Variants in MAP1A observed in about 807,000 individuals in gnomAD.
The protein encoded by MAP1A is microtubule associated protein 1A.
MAP1A carries 42 observed loss-of-function variants against 185.9 expected under a neutral mutation model. The ratio of observed to expected loss-of-function variants is 0.23; its 90% CI spans 0.18 to 0.29. MAP1A has a LOEUF of 0.29. Among genes scored for constraint, MAP1A ranks in the 10% least tolerant of loss-of-function variants. The pLI, the probability that MAP1A is intolerant of heterozygous loss-of-function variation, is 1.00. For synonymous variants in MAP1A, 1,229 were observed against 1,335.9 expected (o/e 0.92, Z 1.74); for missense variants, 2,995 against 3,450.4 (o/e 0.87, Z 3.31).
In MAP1A at chr15:43,521,873, G is replaced by A; in HGVS notation, c.400G>A (p.Val134Ile). 1.2e-6 allele frequency: 2 copies of A among 1,614,188 alleles called. No individual in the cohort carries two copies. The highest frequency in any genetic ancestry group is 1.7e-6 in the Non-Finnish European group (2 of 1,180,018). Reference sequence around the variant, plus strand: ...GAACCTTATCTCTCCTGAGCTTGGAGTTGTCTTTTTCAACGTGCCTGAGAA... The same window carrying A: ...GAACCTTATCTCTCCTGAGCTTGGAATTGTCTTTTTCAACGTGCCTGAGAA... ...VKNLISPELG[V>I]VFFNVPEKLR... is the part of the protein sequence containing the mutation. The change falls in exon 4 of 6, where the codon GTT becomes ATT. Residue 134 changes from valine to isoleucine, a missense_variant. Physicochemically the swap from Val to Ile is conservative, Grantham distance 29 (BLOSUM62 3). This residue lies in a region of MAP1A where 264 missense variants were observed against 435.3 expected (regional missense o/e 0.61). Coordinates refer to ENST00000300231, the MANE Select transcript of MAP1A (RefSeq NM_002373.6). This position sits in a 1 kb window ranked among gnomAD's most constrained non-coding sequence, Gnocchi z 4.6.
Position 43,523,671 on chromosome 15 carries a change from C to T in MAP1A, c.2198C>T (p.Ser733Phe). The stretch of plus-strand genomic sequence containing the variant: ...CCTGCAGGAGCCACTGAGCATGTCT[C>T]TTACATCCAGGATGAGACAATCCCT... ...TTPAGATEHV[S>F]YIQDETIPGY... The change falls in exon 4 of 6, where the codon TCT (serine) becomes TTT (phenylalanine). Residue 733 changes from serine to phenylalanine, a missense_variant. Physicochemically the swap from Ser to Phe is radical, Grantham distance 155. Transcript: ENST00000300231. The T allele has an allele frequency of 3.7e-6, 6 of 1,614,040 alleles. No homozygotes were observed. Among genetic ancestry groups the T allele is most frequent in the Non-Finnish European group, 5.1e-6 (6 of 1,179,962 alleles).
upstream of MAP1A, among the ~76,000 whole-genome samples, chr15:43,516,535 T>A (rs975985384): frequency 6.6e-6 from 1 of 152,126 alleles, no homozygotes; most frequent in Non-Finnish European, 1.5e-5. Flanking sequence ...GGAAGGACTA[T>A]GTAAGAGCAT....
At position 43,526,655 on chromosome 15, in the gene MAP1A, A is replaced by T. The variant is rs2079345074; in HGVS notation, c.5182A>T (p.Thr1728Ser). The T allele has an allele frequency of 6.2e-7, 1 of 1,614,018 alleles. No individual in the cohort carries two copies. The highest frequency in any genetic ancestry group is 8.5e-7 in the Non-Finnish European group (1 of 1,180,014). Residue 1728 changes from threonine (T) to serine (S), a missense_variant, in exon 4 of 6, where the codon ACT becomes TCT. By Grantham distance (58) the Thr-to-Ser change is moderately conservative. Transcript: ENST00000300231. This position sits in a 1 kb window ranked among gnomAD's most constrained non-coding sequence, Gnocchi z 4.7. ...ACACTACACTGAGGAACGGGAAAGC[A>T]CTTTCCTAGATGAGGGCCCAGATGA... ...RPHYTEERES[T>S]FLDEGPDDEQ...
intron 5 of MAP1A, 64 bp from the exon 6 acceptor site, chr15:43,530,005 C>T: frequency 6.4e-7 from 1 of 1,569,690 alleles, no homozygotes; most frequent in Non-Finnish European, 8.8e-7. Context: ...CATGAGGTGC[C>T]CCTTCCCCCT....
In MAP1A at chr15:43,528,719, G is replaced by A. The variant is rs768074107; in HGVS notation, c.7246G>A (p.Ala2416Thr). Reference sequence around the variant, plus strand: ...CTCCCCTGAGCAGCCAGTGTGTCCTGCAGGGGGCTCCGGGGGCCCACCCAG... The same window carrying A: ...CTCCCCTGAGCAGCCAGTGTGTCCTACAGGGGGCTCCGGGGGCCCACCCAG... ...LLSPEQPVCP[A>T]GGSGGPPSSA... Residue 2416 changes from alanine (A) to threonine (T), a missense_variant, in exon 4 of 6, where the codon GCA becomes ACA. By Grantham distance (58) the Ala-to-Thr change is moderately conservative. Coordinates refer to ENST00000300231, the MANE Select transcript of MAP1A (RefSeq NM_002373.6). The A allele has an allele frequency of 6.8e-6, 11 of 1,613,258 alleles. No homozygotes were observed. The highest frequency in any genetic ancestry group is 1.3e-5 in the African/African-American group (1 of 74,926).
rs1201954670 is a variant in MAP1A, at chr15:43,527,545, G to C, written c.6072G>C (p.Lys2024Asn). 6.2e-7 allele frequency: 1 copy of C among 1,614,082 alleles called. No homozygotes were observed. Among genetic ancestry groups the C allele is most frequent in the South Asian group, 1.1e-5 (1 of 91,088 alleles). ...EKELSSPISPKSLQSDTPTFS... is the reference protein window; with the variant it reads ...EKELSSPISPNSLQSDTPTFS... ...AGCTTTCATCTCCTATCTCACCCAA[G>C]AGCCTCCAGTCTGACACTCCAACCT... The change falls in exon 4 of 6, where the codon AAG becomes AAC. Residue 2024 changes from lysine to asparagine, a missense_variant. Lys to Asn is a moderately conservative substitution (Grantham distance 94). This residue lies in a region of MAP1A where 2,728 missense variants were observed against 2,986.0 expected (regional missense o/e 0.91). Coordinates refer to ENST00000300231, the MANE Select transcript of MAP1A (RefSeq NM_002373.6).
intron 1 of MAP1A, among the ~76,000 whole-genome samples, chr15:43,511,541 C>T (rs1229616990): frequency 6.6e-6 from 1 of 152,206 alleles, no homozygotes; most frequent in African/African-American, 2.4e-5. Flanking sequence ...CCTGAAAGTC[C>T]TCACCATCCC....
In MAP1A at chr15:43,528,968, C is replaced by A. The variant is rs773630777; in HGVS notation, c.7495C>A (p.Pro2499Thr). The part of the protein sequence containing the change: ...GGPCPVTDET[P>T]PTSASDSGSS... ...CCCATGCCCTGTGACTGATGAGACA[C>A]CCCCTACATCAGCCAGTGACTCAGG... The change falls in exon 4 of 6, where the codon CCC becomes ACC. Residue 2499 changes from proline (P) to threonine (T), a missense_variant. Pro to Thr is a conservative substitution (Grantham distance 38, BLOSUM62 -1). Coordinates refer to ENST00000300231, the MANE Select transcript of MAP1A (RefSeq NM_002373.6). The A allele has an allele frequency of 1.2e-6, 2 of 1,613,364 alleles. No individual in the cohort carries two copies. Among genetic ancestry groups the A allele is most frequent in the Non-Finnish European group, 1.7e-6 (2 of 1,180,012 alleles).
upstream of MAP1A, among the ~76,000 whole-genome samples, chr15:43,517,165 C>T (rs908495315): frequency 4.6e-5 from 7 of 152,176 alleles, no homozygotes; most frequent in Non-Finnish European, 5.9e-5. Context: ...GTTCCCCACA[C>T]CTACCCCATG....
In MAP1A at chr15:43,529,111, G is replaced by A; in HGVS notation, c.7638G>A (p.Gly2546=). Residue 2546 remains glycine, a synonymous_variant, in exon 4 of 6, where the codon GGG becomes GGA. Coordinates refer to ENST00000300231, the MANE Select transcript of MAP1A (RefSeq NM_002373.6). This position sits in a 1 kb window ranked among gnomAD's most constrained non-coding sequence, Gnocchi z 4.3. ...ACTTCCTACCTGTGGACAAAGCTGG[G>A]GGTGTCAGTGGTACTCACCACCCCA... ...DGDFLPVDKA[G]GVSGTHHPRP... 1.9e-6 allele frequency: 3 copies of A among 1,613,652 alleles called. No homozygotes were observed. Among genetic ancestry groups the A allele is most frequent in the Non-Finnish European group, 2.5e-6 (3 of 1,179,952 alleles).
rs757286638 is a variant in MAP1A, at chr15:43,527,967, C to T, written c.6494C>T (p.Ala2165Val). The T allele has an allele frequency of 4.2e-5, 68 of 1,614,014 alleles. No homozygotes were observed. The highest frequency in any genetic ancestry group is 5.7e-5 in the Non-Finnish European group (67 of 1,180,038). Residue 2165 changes from alanine (A) to valine (V), a missense_variant, in exon 4 of 6, where the codon GCT becomes GTT. This residue lies in a region of MAP1A where 2,728 missense variants were observed against 2,986.0 expected (regional missense o/e 0.91). Transcript: ENST00000300231. ...GCCCGACCCAGTCTGGACTTCCCTGCTTCAGCCTTTGGCTTCTCCTCATTG... is the reference window on the plus strand; with the variant it reads ...GCCCGACCCAGTCTGGACTTCCCTGTTTCAGCCTTTGGCTTCTCCTCATTG... ...GPARPSLDFPASAFGFSSLQP... is the reference protein window; with the variant it reads ...GPARPSLDFPVSAFGFSSLQP...
chr15:43,521,026 C>A lies in MAP1A; in HGVS notation c.-237C>A, dbSNP rs530081456. 6.5e-7 allele frequency: 1 copy of A among 1,550,082 alleles called. No individual in the cohort carries two copies. The highest frequency in any genetic ancestry group is 1.2e-5 in the South Asian group (1 of 84,042). On this transcript the variant is annotated 5_prime_UTR_variant, in exon 3 of 6. Coordinates refer to ENST00000300231, the MANE Select transcript of MAP1A (RefSeq NM_002373.6). This position sits in a 1 kb window ranked among gnomAD's most constrained non-coding sequence, Gnocchi z 4.6. ...TTATAAACTACTAATCTTGAGTGGG[C>A]AAAGTTTAGAGCCTGGGGGAGACCT...
Position 43,530,580 on chromosome 15 carries a change from C to A in MAP1A, c.*356C>A, listed in dbSNP as rs1341818772. The A allele has an allele frequency of 9.4e-6, 2 of 212,772 alleles. No individual in the cohort carries two copies. The highest frequency in any genetic ancestry group is 1.9e-5 in the Non-Finnish European group (2 of 105,420). 13.2% of individuals were successfully genotyped at this position (212,772 alleles called of 1,614,324 possible). On this transcript the variant is annotated 3_prime_UTR_variant, in exon 6 of 6. Coordinates refer to ENST00000300231, the MANE Select transcript of MAP1A (RefSeq NM_002373.6). ...TCCCTCGTAGAGGGAGATTATATCC[C>A]CAACTCCAGGGACCTCTTTATCTCA... is the stretch of plus-strand genomic sequence containing the variant.
In MAP1A at chr15:43,530,275, A is replaced by C. The variant is rs2079366588; in HGVS notation, c.*51A>C. ...ATCCACTCCCCCAGCTCCTTTAGAGAATGGCTACTGCTGAGTCCTTTGGGG... is the reference window on the plus strand; with the variant it reads ...ATCCACTCCCCCAGCTCCTTTAGAGCATGGCTACTGCTGAGTCCTTTGGGG... On this transcript the variant is annotated 3_prime_UTR_variant, in exon 6 of 6. Coordinates refer to ENST00000300231, the MANE Select transcript of MAP1A (RefSeq NM_002373.6). 1 of 1,604,638 alleles carries C rather than the reference A, an allele frequency of 6.2e-7. No individual in the cohort carries two copies. The highest frequency in any genetic ancestry group is 2.2e-5 in the East Asian group (1 of 44,848).
chr15:43,522,813 A>G lies in MAP1A; in HGVS notation c.1340A>G (p.Glu447Gly). The G allele has an allele frequency of 6.3e-7, 1 of 1,583,926 alleles. No homozygotes were observed. The highest frequency in any genetic ancestry group is 8.6e-7 in the Non-Finnish European group (1 of 1,163,296). ...GAGAAGAAGGATGCCAAGAAGGAGG[A>G]GAAGAGGAAAGATACCAAACCTGAG... is the stretch of plus-strand genomic sequence containing the variant. ...KEEKKDAKKE[E>G]KRKDTKPELK... Residue 447 changes from glutamate to glycine, a missense_variant, in exon 4 of 6, where the codon GAG becomes GGG. Glu to Gly is a moderately conservative substitution (Grantham distance 98). Around this residue, in one of 3 missense-constraint regions of MAP1A, gnomAD observed 2,728 missense variants for 2,986.0 expected, o/e 0.91. Coordinates refer to ENST00000300231, the MANE Select transcript of MAP1A (RefSeq NM_002373.6). The surrounding 1 kb of genome is among the most constrained non-coding windows in gnomAD (Gnocchi z 5.9).
Position 43,527,065 on chromosome 15 carries a change from C to T in MAP1A, c.5592C>T (p.Pro1864=). 6.3e-7 allele frequency: 1 copy of T among 1,583,012 alleles called. No homozygotes were observed. Among genetic ancestry groups the T allele is most frequent in the Admixed American group, 1.7e-5 (1 of 57,950 alleles). ...PAPLSPAPGP[P]TPAPESHTPA... ...CCCTCTCCCCAGCTCCTGGTCCCCC[C>T]ACACCTGCCCCGGAATCCCATACTC... The change falls in exon 4 of 6, where the codon CCC becomes CCT. Residue 1864 remains proline, a synonymous_variant. Transcript: ENST00000300231.
rs1367663921 is a variant in MAP1A, at chr15:43,522,665, G to C, written c.1192G>C (p.Asp398His). 2 of 1,611,678 alleles carry C rather than the reference G, an allele frequency of 1.2e-6. No homozygotes were observed. The change falls in exon 4 of 6, where the codon GAC (aspartate) becomes CAC (histidine). Residue 398 changes from aspartate (D) to histidine (H), a missense_variant. By Grantham distance (81) the Asp-to-His change is moderately conservative (BLOSUM62 -1). Coordinates refer to ENST00000300231, the MANE Select transcript of MAP1A (RefSeq NM_002373.6). This position sits in a 1 kb window ranked among gnomAD's most constrained non-coding sequence, Gnocchi z 5.9. ...LKAEKRKLIK[D>H]KVGKKHLKEK... ...GGCAGAGAAGCGAAAGCTGATCAAA[G>C]ACAAGGTAGGGAAAAAGCACCTTAA...
chr15:43,518,708 A>ACCCCCCCCCCCC (rs34711237), intron 1 of MAP1A, among the ~76,000 whole-genome samples: 1 of 83,630 alleles, frequency 1.2e-5, no homozygotes, highest in African/African-American at 4.6e-5. Context: ...ACCGCAGCCC[A>ACCCCCCCCCCCC]CCCCCCCCCG....
At position 43,528,467 on chromosome 15, in the gene MAP1A, A is replaced by G; in HGVS notation, c.6994A>G (p.Ile2332Val). 1 of 1,613,468 alleles carries G rather than the reference A, an allele frequency of 6.2e-7. No individual in the cohort carries two copies. The highest frequency in any genetic ancestry group is 8.5e-7 in the Non-Finnish European group (1 of 1,180,016). Reference sequence around the variant, plus strand: ...CCTGCCTGGAGACATGGGTGATGGCATCCTGCCGTGCCACCTGGAGTGCTC... The same window carrying G: ...CCTGCCTGGAGACATGGGTGATGGCGTCCTGCCGTGCCACCTGGAGTGCTC... ...PSLPGDMGDG[I>V]LPCHLECSEA... The change falls in exon 4 of 6, where the codon ATC (isoleucine) becomes GTC (valine). Residue 2332 changes from isoleucine (I) to valine (V), a missense_variant. Coordinates refer to ENST00000300231, the MANE Select transcript of MAP1A (RefSeq NM_002373.6).
Sources: allele counts gnomAD v4.1 joint callset (sites outside exome capture counted in the v4.1 genomes callset), GRCh38; gene constraint gnomAD v4.1.1; regional missense constraint gnomAD v4.1.1; non-coding constraint Gnocchi (gnomAD v3.1); transcripts MANE v1.5; gene names NCBI Gene and HGNC (gene_info 2026-07-23, HGNC 2026-07-21).